The following SEMA3D variants were observed in gnomAD, a reference collection of about 807,000 sequenced individuals.
SEMA3D encodes the protein semaphorin 3D, also known as semaphorin-3D.
Under a neutral mutation model 100.1 loss-of-function variants are expected in SEMA3D, and 84 were observed. That is an observed-to-expected ratio of 0.84 (90% confidence interval 0.70 to 1.01). The LOEUF (loss-of-function observed/expected upper bound fraction) is 1.01, where lower values mean the gene tolerates loss of function less well. SEMA3D is among the 50% of genes least tolerant of loss of function. The pLI is 0.00. For missense variants in SEMA3D, 875 were observed against 934.1 expected, an observed-to-expected ratio of 0.94 and a Z score of 0.82; for synonymous variants, 312 against 320.7, an observed-to-expected ratio of 0.97 and a Z score of 0.29.
chr7:85,066,913 C>CACACACACACAG, intron 7 of SEMA3D, among the ~76,000 whole-genome samples: 1 of 127,760 alleles, frequency 7.8e-6, no homozygotes, highest in African/African-American at 3.2e-5. Context: ...CACACACACA[C>CACACACACACAG]AGAGAGAGAG....
the SEMA3D span, among the ~76,000 whole-genome samples, chr7:85,204,087 T>C: frequency 1.3e-4 from 20 of 151,938 alleles, no homozygotes; most frequent in Admixed American, 1.3e-3. Flanking sequence ...ATAACTACTT[T>C]TTATATTACT....
chr7:85,079,928 T>C (rs951369500), intron 5 of SEMA3D, among the ~76,000 whole-genome samples: 3 of 152,222 alleles, frequency 2.0e-5, no homozygotes, highest in African/African-American at 7.2e-5. Flanking sequence ...CTGTTTGGTG[T>C]TGGACTATTG....
intron 3 of SEMA3D, among the ~76,000 whole-genome samples, chr7:85,100,659 A>G (rs1788717127): frequency 2.0e-5 from 3 of 152,016 alleles, no homozygotes; most frequent in Admixed American, 2.0e-4. Flanking sequence ...TGTAAAAATG[A>G]TATTTGAGTC....
At chr7:85,173,409 G>A (rs570869917) in intron 1 of SEMA3D, among the ~76,000 whole-genome samples, 1 of 152,152 alleles carries the variant, frequency 6.6e-6, no homozygotes, top group South Asian at 2.1e-4. Context: ...TCACATCACT[G>A]TAGCATGATC....
Position 85,065,477 on chromosome 7 carries a change from G to C in SEMA3D, c.665C>G (p.Thr222Ser), listed in dbSNP as rs1329882689. The change falls in exon 8 of 19, where the codon ACT becomes AGT. Residue 222 changes from threonine (T) to serine (S), a missense_variant. Transcript: ENST00000284136. ...DTAFTRSLGP[T>S]HDHHYIRTDI... is the part of the protein sequence containing the mutation. Reference sequence around the variant, plus strand: ...AGTTCTGATGTAGTGGTGGTCATGAGTAGGCCCAAGGGATCGAGTGAATGC... The same window carrying C: ...AGTTCTGATGTAGTGGTGGTCATGACTAGGCCCAAGGGATCGAGTGAATGC... 1 of 1,613,084 alleles carries C rather than the reference G, an allele frequency of 6.2e-7. No individual in the cohort carries two copies.
At chr7:85,028,021 G>A (rs1295922270) in intron 12 of SEMA3D, 2 of 577,612 alleles carry the variant, frequency 3.5e-6, no homozygotes, top group East Asian at 3.9e-5. Flanking sequence ...AACCGTGCCA[G>A]CATGGCTTTT....
intron 15 of SEMA3D, among the ~76,000 whole-genome samples, chr7:85,015,444 GC>G (rs1584525201): frequency 6.6e-6 from 1 of 151,754 alleles, no homozygotes; most frequent in East Asian, 1.9e-4. Context: ...CATTCTACAA[GC>G]TTGGCAGTAA....
chr7:85,061,219 C>A (rs774472876), intron 8 of SEMA3D, among the ~76,000 whole-genome samples: 1 of 152,068 alleles, frequency 6.6e-6, no homozygotes, highest in Non-Finnish European at 1.5e-5. Context: ...TTTGTATCCT[C>A]CTCGTAAGGT....
intron 2 of SEMA3D, among the ~76,000 whole-genome samples, chr7:85,146,153 C>T (rs1014464871): frequency 2.0e-5 from 3 of 152,074 alleles, no homozygotes; most frequent in African/African-American, 4.8e-5. Context: ...CTTATCCAAT[C>T]GACTTTATAT....
intron 4 of SEMA3D, among the ~76,000 whole-genome samples, chr7:85,086,688 TAGTA>T (rs1264775384): frequency 7.1e-6 from 1 of 141,484 alleles, no homozygotes; most frequent in Non-Finnish European, 1.5e-5. Flanking sequence ...AGGGGGAAAA[TAGTA>T]AGAGAGAGAA....
chr7:85,191,328 A>G (rs1584003248), upstream of SEMA3D, among the ~76,000 whole-genome samples: 2 of 152,166 alleles, frequency 1.3e-5, no homozygotes, highest in Admixed American at 6.5e-5. Context: ...ATGTACTTAT[A>G]TCAATAAACA....
At chr7:85,096,669 CA>C (rs1788562882) in intron 4 of SEMA3D, among the ~76,000 whole-genome samples, 1 of 151,736 alleles carries the variant, frequency 6.6e-6, no homozygotes, top group Non-Finnish European at 1.5e-5. Context: ...GACTAAAAAC[CA>C]AATATCATTG....
At chr7:85,245,825 C>A in the SEMA3D span, among the ~76,000 whole-genome samples, 1 of 152,010 alleles carries the variant, frequency 6.6e-6, no homozygotes, top group Non-Finnish European at 1.5e-5. Context: ...TAAGGTATTT[C>A]TCACATAGTA....
chr7:85,238,332 G>A, the SEMA3D span, among the ~76,000 whole-genome samples: 22 of 152,056 alleles, frequency 1.4e-4, no homozygotes, highest in South Asian at 4.1e-3. Context: ...AGGTTTTATA[G>A]TTTTCATTTT....
chr7:85,075,520 T>C (rs953110220), intron 5 of SEMA3D, among the ~76,000 whole-genome samples: 3 of 152,102 alleles, frequency 2.0e-5, no homozygotes, highest in Non-Finnish European at 4.4e-5. Context: ...GAAAGTAGCC[T>C]AATATGCCAA....
At chr7:85,111,800 T>G (rs1030835251) in intron 3 of SEMA3D, among the ~76,000 whole-genome samples, 1 of 152,092 alleles carries the variant, frequency 6.6e-6, no homozygotes, top group East Asian at 1.9e-4. Context: ...TTAGTCAATT[T>G]TCTTCTTTCT....
At chr7:85,169,273 A>T (rs1791019830) in intron 1 of SEMA3D, among the ~76,000 whole-genome samples, 1 of 151,842 alleles carries the variant, frequency 6.6e-6, no homozygotes, top group African/African-American at 2.4e-5. Flanking sequence ...ACAAGTTTTA[A>T]CAAAATGCAG....
chr7:85,134,338 G>T (rs1789801075), intron 2 of SEMA3D, among the ~76,000 whole-genome samples: 1 of 151,946 alleles, frequency 6.6e-6, no homozygotes, highest in Non-Finnish European at 1.5e-5. Flanking sequence ...GGTTTTGACA[G>T]AAAGCCAACC....
the SEMA3D span, among the ~76,000 whole-genome samples, chr7:85,192,786 C>T: frequency 6.6e-6 from 1 of 152,096 alleles, no homozygotes. Flanking sequence ...ATACCATTAA[C>T]AAATTGTATT....
Sources: allele counts gnomAD v4.1 joint callset (sites outside exome capture counted in the v4.1 genomes callset), GRCh38; gene constraint gnomAD v4.1.1; transcripts MANE v1.5; gene names NCBI Gene and HGNC (gene_info 2026-07-23, HGNC 2026-07-21).